Variants in VCL observed in about 807,000 individuals in gnomAD.
VCL encodes epididymis luminal protein 114.
A neutral mutation model predicts 125.7 loss-of-function variants in VCL; 47 were observed. The observed-to-expected ratio is 0.37, with a 90% CI of 0.30 to 0.48. VCL has a LOEUF of 0.48. Among genes scored for constraint, VCL ranks in the 20% least tolerant of loss-of-function variants. The pLI, the probability that VCL is intolerant of heterozygous loss-of-function variation, is 0.99. For missense variants in VCL, 1,069 were observed against 1,455.5 expected (o/e 0.73, Z 4.32); for synonymous variants, 458 against 514.6 (o/e 0.89, Z 1.49).
chr10:74,113,091 C>T (rs2131938463), intron 19 of VCL, among the ~76,000 whole-genome samples: 1 of 152,230 alleles, frequency 6.6e-6, no homozygotes, highest in Non-Finnish European at 1.5e-5. Context: ...TGCAGAGCAC[C>T]CTGCAGTGGT....
chr10:74,003,889 T>A (rs1840273539), intron 1 of VCL, among the ~76,000 whole-genome samples: 1 of 152,120 alleles, frequency 6.6e-6, no homozygotes, highest in African/African-American at 2.4e-5. Context: ...CTGGCTAATT[T>A]AAAATTTTTT....
rs751938777 is a variant in VCL, at chr10:73,998,365, A to G, written c.158A>G (p.Asn53Ser). ...GCCGCCGTGCAGGCGGCCGTCAGCA[A>G]CCTCGTCCGGGTGAGCGCGCAGGGC... ...PVAAVQAAVS[N>S]LVRVGKETVQ... The change falls in exon 1 of 22, where the codon AAC (asparagine) becomes AGC (serine). Residue 53 changes from asparagine (N) to serine (S), a missense_variant. Asn to Ser is a conservative substitution (Grantham distance 46). Around this residue, in one of 6 missense-constraint regions of VCL, gnomAD observed 96 missense variants for 137.6 expected, o/e 0.70. Coordinates refer to ENST00000211998, the MANE Select transcript of VCL (RefSeq NM_014000.3). The G allele has an allele frequency of 1.4e-5, 21 of 1,538,914 alleles. No individual in the cohort carries two copies. The highest frequency in any genetic ancestry group is 1.0e-4 in the East Asian group (4 of 39,734).
chr10:74,014,401 T>G (rs57348795), intron 1 of VCL, among the ~76,000 whole-genome samples: 5,019 of 152,054 alleles, frequency 0.033, 238 homozygotes, highest in African/African-American at 0.1. Flanking sequence ...CTGGCTAATT[T>G]TTTTTGTATT....
intron 9 of VCL, 144 bp downstream of exon 9, chr10:74,089,493 C>T: frequency 2.6e-6 from 3 of 1,140,170 alleles, no homozygotes; most frequent in Non-Finnish European, 3.8e-6. Context: ...CAGCACTTAC[C>T]AATGTTAACA....
At chr10:74,053,725 C>T (rs1841347235) in intron 2 of VCL, among the ~76,000 whole-genome samples, 1 of 152,066 alleles carries the variant, frequency 6.6e-6, no homozygotes, top group South Asian at 2.1e-4. Context: ...ATTCTCCTGC[C>T]TCAGCCTCCC....
At chr10:74,061,226 ACTT>A (rs1841474360) in intron 2 of VCL, among the ~76,000 whole-genome samples, 1 of 152,062 alleles carries the variant, frequency 6.6e-6, no homozygotes, top group Non-Finnish European at 1.5e-5. Flanking sequence ...CACAAGACAG[ACTT>A]CTTCCTGTTT....
intron 1 of VCL, among the ~76,000 whole-genome samples, chr10:74,042,276 GA>G (rs1489425887): frequency 6.6e-6 from 1 of 152,106 alleles, no homozygotes; most frequent in Admixed American, 6.5e-5. Flanking sequence ...CTCTTTGTTG[GA>G]GGAGTTATTT....
intron 8 of VCL, among the ~76,000 whole-genome samples, chr10:74,084,833 A>G (rs1252783913): frequency 1.3e-5 from 2 of 148,970 alleles, no homozygotes; most frequent in Non-Finnish European, 3.0e-5. Flanking sequence ...GCTGGTCTCA[A>G]ACTTCCGGCC....
intron 9 of VCL, 75 bp downstream of exon 9, chr10:74,089,424 TCTC>T: frequency 6.3e-7 from 1 of 1,591,074 alleles, no homozygotes; most frequent in East Asian, 2.2e-5. Flanking sequence ...CTATCTTTCT[TCTC>T]TGTCTCTTAT....
chr10:74,025,120 G>A (rs1221092365), intron 1 of VCL, among the ~76,000 whole-genome samples: 2 of 152,080 alleles, frequency 1.3e-5, no homozygotes, highest in African/African-American at 4.8e-5. Context: ...GGGTTCAAGC[G>A]ATTCTCCTGT....
At chr10:74,029,532 A>G (rs1840835247) in intron 1 of VCL, among the ~76,000 whole-genome samples, 2 of 152,146 alleles carry the variant, frequency 1.3e-5, no homozygotes, top group African/African-American at 4.8e-5. Context: ...ATGTAGCCTT[A>G]ACTGACAGAC....
At chr10:74,101,137 A>C (rs1009811809) in intron 14 of VCL, 40 bp downstream of exon 14, 23 of 1,601,294 alleles carry the variant, frequency 1.4e-5, no homozygotes, top group Non-Finnish European at 1.9e-5. Flanking sequence ...TTCAGTAAAG[A>C]AAGTTAATTA....
intron 2 of VCL, among the ~76,000 whole-genome samples, chr10:74,045,356 C>G (rs1054104550): frequency 1.3e-5 from 2 of 151,808 alleles, no homozygotes; most frequent in Non-Finnish European, 2.9e-5. Context: ...GGTGTGGTGA[C>G]TCACACCTGT....
Position 74,118,323 on chromosome 10 carries a change from CATTT to C in VCL, c.*157_*160del. On this transcript the variant is annotated 3_prime_UTR_variant, in exon 22 of 22. Transcript: ENST00000211998. ...ATGGGGGCCTCTTCAAATTAGAAGA[CATTT>C]ATACTCTTTTTTCATGGACACTTTG... 1.2e-6 allele frequency: 1 copy of C among 864,514 alleles called. No homozygotes were observed. Among genetic ancestry groups the C allele is most frequent in the Non-Finnish European group, 1.8e-6 (1 of 540,908 alleles). 53.6% of individuals were successfully genotyped at this position (864,514 alleles called of 1,614,324 possible).
At position 74,105,326 on chromosome 10, in the gene VCL, G is replaced by C. The variant is rs754294941; in HGVS notation, c.2407G>C (p.Ala803Pro). 1.9e-6 allele frequency: 3 copies of C among 1,612,588 alleles called. No individual in the cohort carries two copies. The South Asian group carries it at 3.3e-5, about 18-fold the overall frequency. ...CTCCCCGATGGTGATGGATGCAAAA[G>C]CTGTGGCTGGAAACATTTCCGACCC... is the stretch of plus-strand genomic sequence containing the variant. The part of the protein sequence containing the change: ...TISPMVMDAK[A>P]VAGNISDPGL... The change falls in exon 16 of 22, where the codon GCT becomes CCT. Residue 803 changes from alanine (A) to proline (P), a missense_variant. Coordinates refer to ENST00000211998, the MANE Select transcript of VCL (RefSeq NM_014000.3).
chr10:74,011,062 A>T (rs149688278), intron 1 of VCL, among the ~76,000 whole-genome samples: 10 of 150,188 alleles, frequency 6.7e-5, no homozygotes, highest in African/African-American at 2.4e-4. Context: ...TCCCAGGTAC[A>T]TGGGAGGCTG....
chr10:74,072,940 CTTTTCT>C, intron 5 of VCL, 88 bp downstream of exon 5: 23 of 1,501,084 alleles, frequency 1.5e-5, no homozygotes, highest in Admixed American at 3.9e-5. Context: ...CTTTTGTTTT[CTTTTCT>C]TTTTTTTTTT....
chr10:74,030,733 A>G (rs1029773757), intron 1 of VCL, among the ~76,000 whole-genome samples: 1 of 152,236 alleles, frequency 6.6e-6, no homozygotes. Context: ...CAGACCTTCT[A>G]AGATTTAAGA....
At chr10:74,046,903 A>T (rs1564517073) in intron 2 of VCL, among the ~76,000 whole-genome samples, 1 of 152,228 alleles carries the variant, frequency 6.6e-6, no homozygotes, top group Non-Finnish European at 1.5e-5. Flanking sequence ...AAAAATGAGC[A>T]CACCCTAGTT....
Sources: allele counts gnomAD v4.1 joint callset (sites outside exome capture counted in the v4.1 genomes callset), GRCh38; gene constraint gnomAD v4.1.1; regional missense constraint gnomAD v4.1.1; transcripts MANE v1.5; gene names NCBI Gene and HGNC (gene_info 2026-07-23, HGNC 2026-07-21).